DLG2: variants seen among roughly 807,000 people sequenced by gnomAD.
DLG2 encodes the protein discs large MAGUK scaffold protein 2.
DLG2 carries 45 observed loss-of-function variants against 132.5 expected under a neutral mutation model. The ratio of observed to expected loss-of-function variants is 0.34; its 90% CI spans 0.27 to 0.44. The LOEUF is 0.44. Ranked by LOEUF, DLG2 falls within the 20% of genes least tolerant of loss-of-function variation. DLG2 has a pLI of 1.00. For missense variants in DLG2, 1,045 were observed against 1,196.9 expected, an observed-to-expected ratio of 0.87 and a Z score of 1.87; for synonymous variants, 424 against 419.6, an observed-to-expected ratio of 1.01 and a Z score of -0.13.
At chr11:85,152,261 G>C (rs1189707231) in intron 5 of DLG2, among the ~76,000 whole-genome samples, 2 of 143,644 alleles carry the variant, frequency 1.4e-5, no homozygotes, top group African/African-American at 5.1e-5. Context: ...TTTTTTTTGA[G>C]ATGGAGTCTT....
At chr11:83,823,502 T>C (rs759136782) in intron 17 of DLG2, among the ~76,000 whole-genome samples, 3 of 152,214 alleles carry the variant, frequency 2.0e-5, no homozygotes, top group Non-Finnish European at 4.4e-5. Flanking sequence ...ATTGGAAATA[T>C]ATTCCATTGG....
intron 9 of DLG2, among the ~76,000 whole-genome samples, chr11:84,129,611 G>C (rs1242063122): frequency 1.3e-5 from 2 of 151,994 alleles, no homozygotes; most frequent in African/African-American, 4.8e-5. Context: ...GAAGTATATA[G>C]TTGCTTTTTT....
At chr11:83,607,116 G>A (rs1219313157) in intron 19 of DLG2, among the ~76,000 whole-genome samples, 1 of 152,158 alleles carries the variant, frequency 6.6e-6, no homozygotes, top group African/African-American at 2.4e-5. Context: ...AAACAGAAGT[G>A]AGGTACAGTA....
chr11:84,728,618 G>C (rs925142961), intron 6 of DLG2, among the ~76,000 whole-genome samples: 1 of 152,146 alleles, frequency 6.6e-6, no homozygotes, highest in Admixed American at 6.5e-5. Context: ...ATGAGTTAGG[G>C]AGGATTCCCT....
At chr11:84,238,972 G>A (rs2097193208) in intron 8 of DLG2, among the ~76,000 whole-genome samples, 1 of 152,100 alleles carries the variant, frequency 6.6e-6, no homozygotes, top group Non-Finnish European at 1.5e-5. Context: ...CCCACTTTTA[G>A]GTGGTCACAT....
chr11:84,024,103 G>T (rs1296739405), intron 11 of DLG2, among the ~76,000 whole-genome samples: 1 of 152,006 alleles, frequency 6.6e-6, no homozygotes, highest in Non-Finnish European at 1.5e-5. Context: ...CAATTGTGCT[G>T]GTATCTGAAC....
intron 18 of DLG2, among the ~76,000 whole-genome samples, chr11:83,633,743 AACACACACACACACACACAC>A (rs35932645): frequency 7.0e-6 from 1 of 143,202 alleles, no homozygotes; most frequent in Non-Finnish European, 1.5e-5. Flanking sequence ...CACAGAACTA[AACACACACACACACACACAC>A]ACACACACAC....
chr11:85,179,909 A>C (rs1257890029), intron 4 of DLG2, among the ~76,000 whole-genome samples: 14 of 151,936 alleles, frequency 9.2e-5, no homozygotes, highest in Admixed American at 9.2e-4. Context: ...GTGCACCATT[A>C]TTATGGATAA....
At chr11:83,472,077 T>C (rs555842065) in intron 23 of DLG2, among the ~76,000 whole-genome samples, 57 of 152,286 alleles carry the variant, frequency 3.7e-4, no homozygotes, top group African/African-American at 1.3e-3. Flanking sequence ...AACCAGCTGT[T>C]TGGCTATTGT....
At chr11:85,566,250 T>G (rs1167592936) in intron 3 of DLG2, among the ~76,000 whole-genome samples, 1 of 152,296 alleles carries the variant, frequency 6.6e-6, no homozygotes, top group South Asian at 2.1e-4. Flanking sequence ...TACTAGACCC[T>G]TATCAGATGC....
At chr11:83,797,236 AGAAGAAGAAGAT>A (rs907087091) in intron 17 of DLG2, among the ~76,000 whole-genome samples, 6 of 152,108 alleles carry the variant, frequency 3.9e-5, no homozygotes, top group African/African-American at 1.4e-4. Context: ...AAGAAGAAGA[AGAAGAAGAAGAT>A]GATGATGATG....
intron 7 of DLG2, among the ~76,000 whole-genome samples, chr11:84,434,054 G>C (rs1034225906): frequency 6.7e-6 from 1 of 149,412 alleles, no homozygotes; most frequent in Non-Finnish European, 1.5e-5. Context: ...GAGAGGTTGA[G>C]ACTGCAGTTT....
intron 3 of DLG2, among the ~76,000 whole-genome samples, chr11:85,419,172 T>A (rs1228227035): frequency 6.6e-6 from 1 of 152,346 alleles, no homozygotes; most frequent in Admixed American, 6.5e-5. Flanking sequence ...TATTTCTCCT[T>A]CGCTTATGAA....
chr11:84,093,935 T>G (rs1417111407), intron 10 of DLG2, among the ~76,000 whole-genome samples: 1 of 152,008 alleles, frequency 6.6e-6, no homozygotes, highest in Non-Finnish European at 1.5e-5. Context: ...TTTAGAATGA[T>G]GCTTACCACA....
Position 85,424,059 on chromosome 11 carries a change from G to C in DLG2, c.41-138694C>G, listed in dbSNP as rs76008869. The stretch of plus-strand genomic sequence containing the variant: ...GCCAACCTCCCAAAGGACCCCATGA[G>C]GCCAGGCAAAAATGGCTTGCTAGGG... On this transcript the variant is annotated intron_variant, in intron 3 of 27. Transcript: ENST00000376104. Among the ~76,000 whole-genome samples, 533 of 152,182 alleles carry C rather than the reference G, an allele frequency of 3.5e-3. 1 individual carries two copies. The highest frequency in any genetic ancestry group is 0.012 in the African/African-American group (518 of 41,520).
At chr11:84,988,866 A>G (rs545131687) in intron 6 of DLG2, among the ~76,000 whole-genome samples, 3 of 152,288 alleles carry the variant, frequency 2.0e-5, no homozygotes, top group African/African-American at 7.2e-5. Flanking sequence ...CCAACAACCT[A>G]TGGAAACAAA....
Position 83,511,031 on chromosome 11 carries a change from GA to G in DLG2, c.2193+21676del, listed in dbSNP as rs33969673. Among the ~76,000 whole-genome samples, 60 of 129,900 alleles carry G rather than the reference GA, an allele frequency of 4.6e-4. 2 individuals are homozygous for G. Among genetic ancestry groups the G allele is most frequent in the Middle Eastern group, 3.8e-3 (1 of 260 alleles). 85.2% of individuals were successfully genotyped at this position (129,900 alleles called of 152,430 possible). On this transcript the variant is annotated intron_variant, in intron 21 of 27. Transcript: ENST00000376104. ...ACTGCCCTCCAATACTACGTTTTGA[GA>G]AAAAAAAAAAAACCCTCTCTGTCTT...
rs191201249 is a variant in DLG2 at position 84,262,242 on chromosome 11, T to C, written c.520-10951A>G. 4.4e-3 allele frequency among the ~76,000 whole-genome samples: 672 copies of C among 152,292 alleles called. 3 individuals carry two copies. The highest frequency in any genetic ancestry group is 7.1e-3 in the Non-Finnish European group (484 of 68,020). ...CCAAATCCATATTCTTGTCTTACCA[T>C]TACCCTGCATGGAACAAGGATGGTA... On this transcript the variant is annotated intron_variant, in intron 7 of 27. Transcript: ENST00000376104.
chr11:83,832,005 T>C (rs2054676339), intron 17 of DLG2, among the ~76,000 whole-genome samples: 1 of 152,150 alleles, frequency 6.6e-6, no homozygotes, highest in Non-Finnish European at 1.5e-5. Flanking sequence ...GTAGGTGTAA[T>C]GGGCATTAAA....
Sources: gnomAD v4.1 joint callset for allele counts (sites outside exome capture counted in the v4.1 genomes callset) on GRCh38, gnomAD v4.1.1 for gene constraint, MANE v1.5 for transcripts, NCBI Gene and HGNC (gene_info 2026-07-23, HGNC 2026-07-21) for gene names.